The following KDM6B variants were observed in gnomAD, a reference collection of about 807,000 sequenced individuals.
KDM6B encodes lysine demethylase 6B, also known as lysine-specific demethylase 6B.
Under a neutral mutation model 150.4 loss-of-function variants are expected in KDM6B, and 22 were observed. The ratio of observed to expected loss-of-function variants is 0.15; its 90% confidence interval spans 0.10 to 0.21. KDM6B has a LOEUF of 0.21. Among genes scored for constraint, KDM6B ranks in the 10% least tolerant of loss-of-function variants. KDM6B has a pLI of 1.00. For synonymous variants in KDM6B, 1,148 were observed against 921.1 expected, an observed-to-expected ratio of 1.25 and a Z score of -4.46; for missense variants, 1,984 against 2,234.3, an observed-to-expected ratio of 0.89 and a Z score of 2.26.
At position 7,851,706 on chromosome 17, in the gene KDM6B, A is replaced by G. The variant is rs559379703; in HGVS notation, c.4075A>G (p.Thr1359Ala). The G allele has an allele frequency of 5.1e-6, 8 of 1,565,512 alleles. No homozygotes were observed. Among genetic ancestry groups the G allele is most frequent in the South Asian group, 3.5e-5 (3 of 86,242 alleles). The stretch of plus-strand genomic sequence containing the variant: ...GCCCGCCTTCATGCGGGTAACATCC[A>G]CGGGCAACATGCTGAGCCACGTGGG... ...KLPAFMRVTSTGNMLSHVGHT... is the reference protein window; with the variant it reads ...KLPAFMRVTSAGNMLSHVGHT... The change falls in exon 18 of 24, where the codon ACG becomes GCG. Residue 1359 changes from threonine (T) to alanine (A), a missense_variant. Physicochemically the swap from Thr to Ala is moderately conservative, Grantham distance 58. This residue lies in a region of KDM6B where 31 missense variants were observed against 120.3 expected (regional missense o/e 0.26). Coordinates refer to ENST00000448097, the MANE Select transcript of KDM6B (RefSeq NM_001348716.2).
chr17:7,849,392 G>A lies in KDM6B; in HGVS notation c.3104G>A (p.Arg1035Gln), dbSNP rs568630770. The A allele has an allele frequency of 3.1e-6, 5 of 1,610,912 alleles. No individual in the cohort carries two copies. Among genetic ancestry groups the A allele is most frequent in the East Asian group, 2.2e-5 (1 of 44,682 alleles). The change falls in exon 12 of 24, where the codon CGG becomes CAG. Residue 1035 changes from arginine (R) to glutamine (Q), a missense_variant. Arg to Gln is a conservative substitution (Grantham distance 43, BLOSUM62 1). Transcript: ENST00000448097. ...GAGATCCAGGGTCGTGAGAAGTCCCGGCCCGATCTTGGCGGGGCCTCCAAG... is the reference window on the plus strand; with the variant it reads ...GAGATCCAGGGTCGTGAGAAGTCCCAGCCCGATCTTGGCGGGGCCTCCAAG... Reference protein sequence around the residue: ...SEEIQGREKSRPDLGGASKAK... With the variant: ...SEEIQGREKSQPDLGGASKAK...
Position 7,849,923 on chromosome 17 carries a change from C to A in KDM6B, c.3543C>A (p.Leu1181=). 1 of 1,613,612 alleles carries A rather than the reference C, an allele frequency of 6.2e-7. No individual in the cohort carries two copies. ...NTEEKLPREK[L]NPPTPSIYLE... ...AGGAGAAGCTGCCCCGGGAAAAACT[C>A]AACCCCCCTACACCCAGCATCTATG... Residue 1181 remains leucine, a synonymous_variant, in exon 13 of 24, where the codon CTC becomes CTA. Coordinates refer to ENST00000448097, the MANE Select transcript of KDM6B (RefSeq NM_001348716.2).
chr17:7,835,213 C>G (rs1417264823), intron 1 of KDM6B, among the ~76,000 whole-genome samples: 1 of 152,096 alleles, frequency 6.6e-6, no homozygotes, highest in Admixed American at 6.5e-5. Flanking sequence ...CAATCTCCGC[C>G]TCTCCCGGCT....
chr17:7,839,348 AG>A (rs1462500239), intron 1 of KDM6B, among the ~76,000 whole-genome samples: 1 of 152,124 alleles, frequency 6.6e-6, no homozygotes, highest in East Asian at 1.9e-4. Context: ...GCTTAGGCCC[AG>A]AGTCAGAGTT....
rs1345164986 is a variant in KDM6B, at chr17:7,852,338, T to TGA, written c.4468+6_4468+7dup. On this transcript the variant is annotated splice_region_variant and intron_variant, in intron 20 of 23. Transcript: ENST00000448097. ...CCTGGAACGTGGGGCCCCTCACCGG[T>TGA]GAGAGGGTGGGGCAGGTGTTGGCGT... is the stretch of plus-strand genomic sequence containing the variant. 1.9e-6 allele frequency: 3 copies of TGA among 1,610,796 alleles called. No individual in the cohort carries two copies. The highest frequency in any genetic ancestry group is 2.5e-6 in the Non-Finnish European group (3 of 1,179,086).
At chr17:7,837,974 G>T (rs1401186416) in intron 1 of KDM6B, among the ~76,000 whole-genome samples, 2 of 151,878 alleles carry the variant, frequency 1.3e-5, no homozygotes, top group African/African-American at 2.4e-5. Context: ...GAAGGCTTTA[G>T]GCAGATTTGT....
intron 3 of KDM6B, 74 bp from the exon 4 acceptor site, chr17:7,845,240 A>G: frequency 1.9e-6 from 1 of 519,292 alleles, no homozygotes; most frequent in Non-Finnish European, 3.5e-6. Context: ...TGGATGCCAC[A>G]GTCCGCCCAT....
At chr17:7,850,744 G>A (rs1305053889) in intron 14 of KDM6B, among the ~76,000 whole-genome samples, 1 of 152,214 alleles carries the variant, frequency 6.6e-6, no homozygotes, top group Non-Finnish European at 1.5e-5. Context: ...TGTCAGGTGC[G>A]GTGCACATGG....
chr17:7,840,774 A>G (rs953071279), intron 2 of KDM6B: 2 of 152,128 alleles, frequency 1.3e-5, no homozygotes, highest in Non-Finnish European at 2.9e-5. Context: ...TGTTTTGCAC[A>G]TTGGGGTGCA....
At chr17:7,845,290 C>T (rs911164399) in intron 3 of KDM6B, 24 bp from the exon 4 acceptor site, 1 of 591,466 alleles carries the variant, frequency 1.7e-6, no homozygotes, top group Admixed American at 2.8e-5. Context: ...GCCAGCTCGT[C>T]TCACTCCTTT....
At chr17:7,842,750 C>G (rs1033516466) in intron 2 of KDM6B, among the ~76,000 whole-genome samples, 4 of 151,554 alleles carry the variant, frequency 2.6e-5, no homozygotes, top group African/African-American at 4.8e-5. Context: ...GACTGTGTGT[C>G]TGTGTGTGTT....
intron 1 of KDM6B, among the ~76,000 whole-genome samples, chr17:7,838,604 C>T (rs2078368880): frequency 7.4e-6 from 1 of 134,494 alleles, no homozygotes; most frequent in Non-Finnish European, 1.6e-5. Flanking sequence ...CCCTCACACA[C>T]CCTCTGACCC....
At chr17:7,837,254 A>T (rs2078346294) in intron 1 of KDM6B, among the ~76,000 whole-genome samples, 1 of 151,506 alleles carries the variant, frequency 6.6e-6, no homozygotes, top group Admixed American at 6.6e-5. Context: ...TTGAAGTGGG[A>T]GTGGTTGAAA....
chr17:7,838,001 T>G (rs1452069945), intron 1 of KDM6B, among the ~76,000 whole-genome samples: 2 of 151,908 alleles, frequency 1.3e-5, no homozygotes, highest in Non-Finnish European at 2.9e-5. Flanking sequence ...TTCTTTAGGA[T>G]TATTTTTTTT....
Position 7,847,765 on chromosome 17 carries a change from G to A in KDM6B, c.1477G>A (p.Ala493Thr), listed in dbSNP as rs868478685. ...CTGGTTGAAGGGTCCGGCCTGCCGGGCAGCCCGAGAGGATGGAGAGATCTT... is the reference window on the plus strand; with the variant it reads ...CTGGTTGAAGGGTCCGGCCTGCCGGACAGCCCGAGAGGATGGAGAGATCTT... ...PAWLKGPACR[A>T]AREDGEILEE... Residue 493 changes from alanine (A) to threonine (T), a missense_variant, in exon 12 of 24, where the codon GCA becomes ACA. Physicochemically the swap from Ala to Thr is moderately conservative, Grantham distance 58 (BLOSUM62 0). Coordinates refer to ENST00000448097, the MANE Select transcript of KDM6B (RefSeq NM_001348716.2). 2.6e-6 allele frequency: 4 copies of A among 1,550,450 alleles called. No individual in the cohort carries two copies. In the East Asian group the frequency reaches 9.5e-5, roughly 37 times the overall value.
rs1359181712 is a variant in KDM6B, at chr17:7,834,336, C to T, written c.-402C>T. Among the ~76,000 whole-genome samples, 2 of 151,840 alleles carry T rather than the reference C, an allele frequency of 1.3e-5. No homozygotes were observed. Among genetic ancestry groups the T allele is most frequent in the Non-Finnish European group, 2.9e-5 (2 of 67,940 alleles). On this transcript the variant is annotated 5_prime_UTR_variant, in exon 1 of 24. Coordinates refer to ENST00000448097, the MANE Select transcript of KDM6B (RefSeq NM_001348716.2). ...CTTGGGGAGCCTGAACACCTGGGAC[C>T]CCCCCCAGAACCAGGTAACGGGGAG...
Position 7,849,073 on chromosome 17 carries a change from G to C in KDM6B, c.2785G>C (p.Gly929Arg), listed in dbSNP as rs780633127. 12 of 1,612,272 alleles carry C rather than the reference G, an allele frequency of 7.4e-6. No individual in the cohort carries two copies. Among genetic ancestry groups the C allele is most frequent in the East Asian group, 2.2e-5 (1 of 44,874 alleles). ...TTGCGAGACCCTTGTGGAGCGGGTG[G>C]GCCGGAGTGCCACTGACCCAGCCGA... ...RACETLVERV[G>R]RSATDPADPV... Residue 929 changes from glycine (G) to arginine (R), a missense_variant, in exon 12 of 24, where the codon GGC becomes CGC. By Grantham distance (125) the Gly-to-Arg change is moderately radical. Around this residue, in one of 13 missense-constraint regions of KDM6B, gnomAD observed 1,379 missense variants for 1,275.6 expected, o/e 1.08. Coordinates refer to ENST00000448097, the MANE Select transcript of KDM6B (RefSeq NM_001348716.2).
In KDM6B at chr17:7,847,698, A is replaced by ACC; in HGVS notation, c.1415_1416dup (p.Cys473ProfsTer15). 2.6e-6 allele frequency: 2 copies of ACC among 776,846 alleles called. No homozygotes were observed. Among genetic ancestry groups the ACC allele is most frequent in the Non-Finnish European group, 3.4e-6 (2 of 584,130 alleles). 48.1% of individuals were successfully genotyped at this position (776,846 alleles called of 1,614,324 possible). On this transcript the variant is annotated frameshift_variant, in exon 12 of 24. Coordinates refer to ENST00000448097, the MANE Select transcript of KDM6B (RefSeq NM_001348716.2). LOFTEE classifies it high-confidence loss of function. ...CACCTGGACCTTCCTCACCCCCTCC[A>ACC]CCCCCCTGTCCCCGCCTCTTACGCC...
chr17:7,848,367 T>C lies in KDM6B; in HGVS notation c.2079T>C (p.Asp693=). The change falls in exon 12 of 24, where the codon GAT becomes GAC. Residue 693 remains aspartate, a synonymous_variant. Transcript: ENST00000448097. ...EEPAEFKILP[D]GLANIMKMLD... ...CAGCCGAATTCAAGATCCTACCTGA[T>C]GGGCTGGCCAACATCATGAAGATGC... The C allele has an allele frequency of 6.2e-7, 1 of 1,612,954 alleles. No individual in the cohort carries two copies. The highest frequency in any genetic ancestry group is 1.3e-5 in the African/African-American group (1 of 75,006).
Sources: allele counts gnomAD v4.1 joint callset (sites outside exome capture counted in the v4.1 genomes callset), GRCh38; gene constraint gnomAD v4.1.1; regional missense constraint gnomAD v4.1.1; transcripts MANE v1.5; gene names NCBI Gene and HGNC (gene_info 2026-07-23, HGNC 2026-07-21).